KYAT3: variants seen among roughly 807,000 people sequenced by gnomAD.
KYAT3 encodes kynurenine aminotransferase 3.
A neutral mutation model predicts 59.0 loss-of-function variants in KYAT3; 50 were observed. That is an observed-to-expected ratio of 0.85 (90% CI 0.68 to 1.07). The LOEUF is 1.07. KYAT3 is among the 50% of genes least tolerant of loss of function. The pLI, the probability that KYAT3 is intolerant of heterozygous loss-of-function variation, is 0.00. For missense variants in KYAT3, 497 were observed against 533.3 expected (o/e 0.93, Z 0.67); for synonymous variants, 148 against 177.0 (o/e 0.84, Z 1.30).
At chr1:88,927,432 G>A in the KYAT3 span, among the ~76,000 whole-genome samples, 1 of 152,178 alleles carries the variant, frequency 6.6e-6, no homozygotes, top group Admixed American at 6.5e-5. Context: ...GGCAAATGGA[G>A]TGAAGTGCCA....
intron 2 of KYAT3, 44 bp downstream of exon 2, chr1:88,988,208 G>A (rs1323190056): frequency 7.7e-7 from 1 of 1,301,490 alleles, no homozygotes; most frequent in Non-Finnish European, 1.1e-6. Flanking sequence ...TTTGGACAGT[G>A]CAGAATATGT....
At chr1:88,986,823 A>G (rs1177049319) in intron 2 of KYAT3, among the ~76,000 whole-genome samples, 1 of 152,046 alleles carries the variant, frequency 6.6e-6, no homozygotes, top group East Asian at 1.9e-4. Flanking sequence ...ACTTATCACT[A>G]TTGCTTTTGT....
chr1:88,949,850 G>A (rs1367798915), intron 10 of KYAT3, among the ~76,000 whole-genome samples: 1 of 152,192 alleles, frequency 6.6e-6, no homozygotes, highest in African/African-American at 2.4e-5. Context: ...TCAAGAGCCA[G>A]GACAGCAAAC....
chr1:88,964,564 G>A, intron 5 of KYAT3: 1 of 371,784 alleles, frequency 2.7e-6, no homozygotes, highest in Non-Finnish European at 5.1e-6. Flanking sequence ...ACCTCTGGGA[G>A]AATATAGACT....
chr1:88,957,088 T>C (rs1675952676), intron 8 of KYAT3, among the ~76,000 whole-genome samples: 1 of 152,102 alleles, frequency 6.6e-6, no homozygotes, highest in Non-Finnish European at 1.5e-5. Flanking sequence ...GCTACAGAAA[T>C]TTCCAAAACA....
the KYAT3 span, among the ~76,000 whole-genome samples, chr1:88,921,425 T>G: frequency 6.6e-6 from 1 of 152,200 alleles, no homozygotes; most frequent in African/African-American, 2.4e-5. Context: ...AGAAGGTAGA[T>G]ATTATTGGTT....
chr1:88,989,382 T>A (rs1258461774), intron 1 of KYAT3, among the ~76,000 whole-genome samples: 1 of 152,204 alleles, frequency 6.6e-6, no homozygotes, highest in Non-Finnish European at 1.5e-5. Context: ...TTAAAAAAAG[T>A]TTCTATCTGT....
chr1:88,991,846 G>A (rs1486396535), intron 1 of KYAT3, among the ~76,000 whole-genome samples: 1 of 152,232 alleles, frequency 6.6e-6, no homozygotes, highest in Non-Finnish European at 1.5e-5. Flanking sequence ...AAGGAGCCAC[G>A]CGTGGGCGAA....
chr1:88,954,520 T>C (rs1172260002), intron 9 of KYAT3, among the ~76,000 whole-genome samples: 1 of 152,226 alleles, frequency 6.6e-6, no homozygotes, highest in African/African-American at 2.4e-5. Context: ...TATTAGCTAC[T>C]ATTATTTTTC....
At chr1:88,941,483 T>C (rs138310167) in intron 13 of KYAT3, among the ~76,000 whole-genome samples, 6 of 152,262 alleles carry the variant, frequency 3.9e-5, no homozygotes, top group African/African-American at 1.4e-4. Context: ...ATCTACTTCA[T>C]TTTCATTTTT....
At chr1:88,948,064 C>G (rs1241339379) in intron 11 of KYAT3, among the ~76,000 whole-genome samples, 2 of 151,910 alleles carry the variant, frequency 1.3e-5, no homozygotes, top group African/African-American at 4.8e-5. Flanking sequence ...TGCACTCCAG[C>G]CTGGGTGACA....
At chr1:88,988,138 A>T in intron 2 of KYAT3, 114 bp downstream of exon 2, 1 of 659,288 alleles carries the variant, frequency 1.5e-6, no homozygotes, top group Non-Finnish European at 2.6e-6. Flanking sequence ...CAGCATATGT[A>T]ATAGAAATGT....
intron 13 of KYAT3, among the ~76,000 whole-genome samples, chr1:88,940,017 C>T (rs912942585): frequency 2.6e-5 from 4 of 151,954 alleles, no homozygotes; most frequent in African/African-American, 9.7e-5. Flanking sequence ...TTCTCTTTTC[C>T]TTATACTGTC....
At chr1:88,969,696 C>G (rs1374580396) in intron 2 of KYAT3, among the ~76,000 whole-genome samples, 1 of 151,598 alleles carries the variant, frequency 6.6e-6, no homozygotes, top group African/African-American at 2.4e-5. Flanking sequence ...GGCTGGAATG[C>G]AGTGGTGTGA....
intron 2 of KYAT3, among the ~76,000 whole-genome samples, chr1:88,974,469 C>CT (rs71084932): frequency 0.12 from 8,360 of 69,602 alleles, 969 homozygotes; most frequent in Non-Finnish European, 0.15. Flanking sequence ...GTGTCTCTCT[C>CT]TTTTTTTTTT....
rs867744667 is a variant in KYAT3 at position 88,982,788 on chromosome 1, CTCTT to C, written c.99+5460_99+5463del. ...CCCCTTTCTACAGAAGGGGGAAGCC[CTCTT>C]TCTTGTCTGCCAACCCTGTCACAAC... On this transcript the variant is annotated intron_variant, in intron 2 of 13. Transcript: ENST00000260508. 5.0e-6 allele frequency: 8 copies of C among 1,613,832 alleles called. No homozygotes were observed. The South Asian group carries it at 7.7e-5, about 16-fold the overall frequency.
intron 1 of KYAT3, among the ~76,000 whole-genome samples, chr1:88,992,172 G>C (rs7538226): frequency 6.6e-6 from 1 of 151,932 alleles, no homozygotes; most frequent in Non-Finnish European, 1.5e-5. Context: ...TACAGACGGG[G>C]TTTCACCGTG....
chr1:88,945,179 G>C (rs17130658), intron 11 of KYAT3, among the ~76,000 whole-genome samples: 5,804 of 152,112 alleles, frequency 0.038, 320 homozygotes, highest in African/African-American at 0.12. Context: ...TGTTGAAAAA[G>C]GAAAGAAGGG....
In KYAT3 at chr1:88,986,138, G is replaced by A. The variant is rs111316617; in HGVS notation, c.99+2114C>T. Among the ~76,000 whole-genome samples, 58 of 151,498 alleles carry A rather than the reference G, an allele frequency of 3.8e-4. 2 individuals carry two copies. The highest frequency in any genetic ancestry group is 6.2e-4 in the Non-Finnish European group (42 of 67,850). ...GGAGGCTGCAGTGAGCCGAGATTGC[G>A]CCATTGCACTCCAGCCTGGGCGGCA... On this transcript the variant is annotated intron_variant, in intron 2 of 13. Coordinates refer to ENST00000260508, the MANE Select transcript of KYAT3 (RefSeq NM_001008661.3).
Sources: allele counts gnomAD v4.1 joint callset (sites outside exome capture counted in the v4.1 genomes callset), GRCh38; gene constraint gnomAD v4.1.1; transcripts MANE v1.5; gene names NCBI Gene and HGNC (gene_info 2026-07-23, HGNC 2026-07-21).